TENM4: variants seen among roughly 807,000 people sequenced by gnomAD.
The protein encoded by TENM4 is teneurin transmembrane protein 4.
TENM4 carries 82 observed loss-of-function variants against 243.3 expected under a neutral mutation model. That is an observed-to-expected ratio of 0.34 (90% CI 0.28 to 0.40). TENM4 has a LOEUF of 0.40. Among genes scored for constraint, TENM4 ranks in the 10% least tolerant of loss-of-function variants. The pLI, the probability that TENM4 is intolerant of heterozygous loss-of-function variation, is 1.00. For synonymous variants in TENM4, 1,412 were observed against 1,456.3 expected, an observed-to-expected ratio of 0.97 and a Z score of 0.69; for missense variants, 3,138 against 3,673.3, an observed-to-expected ratio of 0.85 and a Z score of 3.77.
At chr11:79,329,981 G>A (rs1009555339) in intron 1 of TENM4, among the ~76,000 whole-genome samples, 1 of 152,248 alleles carries the variant, frequency 6.6e-6, no homozygotes, top group African/African-American at 2.4e-5. Flanking sequence ...AGAGGGGAAA[G>A]TGGCATTGAC....
rs1451301517 is a variant in TENM4 at position 79,124,883 on chromosome 11, G to A, written c.-66+23827C>T. 8.8e-5 allele frequency among the ~76,000 whole-genome samples: 6 copies of A among 68,106 alleles called. No homozygotes were observed. In the South Asian group the frequency reaches 1.6e-3, roughly 18 times the overall value. 44.7% of individuals were successfully genotyped at this position (68,106 alleles called of 152,430 possible). A position where few individuals can be genotyped will look rare whatever the true frequency, so the allele number is the denominator to read the frequency against. On this transcript the variant is annotated intron_variant, in intron 4 of 33. Coordinates refer to ENST00000278550, the MANE Select transcript of TENM4 (RefSeq NM_001098816.3). Reference sequence around the variant, plus strand: ...TATATGTATATGTATGTGTATATATGTATATGTATATGTGTGTGTGTGTGT... The same window carrying A: ...TATATGTATATGTATGTGTATATATATATATGTATATGTGTGTGTGTGTGT...
intron 28 of TENM4, among the ~76,000 whole-genome samples, chr11:78,692,774 A>G (rs1858858240): frequency 6.6e-6 from 1 of 152,144 alleles, no homozygotes; most frequent in Admixed American, 6.5e-5. Context: ...AAGTCAGTGC[A>G]TGCTGGGGTG....
At chr11:78,831,640 C>CTGTACAGGT (rs1857984200) in intron 12 of TENM4, among the ~76,000 whole-genome samples, 1 of 152,240 alleles carries the variant, frequency 6.6e-6, no homozygotes, top group Non-Finnish European at 1.5e-5. Context: ...ACAGGTAGTG[C>CTGTACAGGT]AGCGGGGCTG....
At chr11:79,185,478 A>T (rs1295481944) in intron 3 of TENM4, among the ~76,000 whole-genome samples, 2 of 152,174 alleles carry the variant, frequency 1.3e-5, no homozygotes, top group Non-Finnish European at 2.9e-5. Context: ...ATCCAACAGG[A>T]TAACTGGGCC....
chr11:78,938,752 CA>C (rs1565135026), intron 6 of TENM4, among the ~76,000 whole-genome samples: 1 of 152,094 alleles, frequency 6.6e-6, no homozygotes, highest in Non-Finnish European at 1.5e-5. Flanking sequence ...GCTTGGCAAA[CA>C]AACCAAGGAG....
At chr11:79,256,484 T>G (rs1312451622) in intron 2 of TENM4, among the ~76,000 whole-genome samples, 1 of 152,230 alleles carries the variant, frequency 6.6e-6, no homozygotes, top group Admixed American at 6.5e-5. Context: ...AAGCCAGGAC[T>G]GCCCAGTGCC....
At chr11:79,197,737 T>C (rs956523621) in intron 3 of TENM4, among the ~76,000 whole-genome samples, 22 of 152,186 alleles carry the variant, frequency 1.4e-4, no homozygotes, top group African/African-American at 4.8e-4. Context: ...TTAAAATGCA[T>C]TGTTTTGCTG....
intron 2 of TENM4, among the ~76,000 whole-genome samples, chr11:79,220,723 A>T (rs1277910618): frequency 6.6e-6 from 1 of 152,180 alleles, no homozygotes; most frequent in African/African-American, 2.4e-5. Flanking sequence ...ATTCATCTTT[A>T]CAACTTTCTT....
chr11:79,439,688 C>CACACACAT (rs1859357976), intron 1 of TENM4, among the ~76,000 whole-genome samples: 1 of 151,798 alleles, frequency 6.6e-6, no homozygotes, highest in South Asian at 2.1e-4. Context: ...CACACACACA[C>CACACACAT]ACACGCCGCC....
At chr11:79,357,414 G>T (rs1385567874) in intron 1 of TENM4, among the ~76,000 whole-genome samples, 1 of 152,174 alleles carries the variant, frequency 6.6e-6, no homozygotes, top group Non-Finnish European at 1.5e-5. Flanking sequence ...CTAACCTGGG[G>T]ACAATCCCTA....
At chr11:78,998,432 G>C (rs1858230492) in intron 6 of TENM4, among the ~76,000 whole-genome samples, 1 of 152,252 alleles carries the variant, frequency 6.6e-6, no homozygotes, top group Admixed American at 6.5e-5. Context: ...ATGGCCAAAT[G>C]AGGAGGTTGA....
At position 78,658,329 on chromosome 11, in the gene TENM4, C is replaced by T. The variant is rs1393965750; in HGVS notation, c.8039G>A (p.Gly2680Glu). Residue 2680 changes from glycine to glutamate, a missense_variant, in exon 34 of 34, where the codon GGG becomes GAG. Gly to Glu is a moderately conservative substitution (Grantham distance 98). This residue lies in a region of TENM4 where 2,467 missense variants were observed against 3,059.1 expected (regional missense o/e 0.81). Coordinates refer to ENST00000278550, the MANE Select transcript of TENM4 (RefSeq NM_001098816.3). ...TGCCTTCTCCTCATCCAACGTTGTC[C>T]CGTAGCGTGTGTTCAAGCACAGTGC... The part of the protein sequence containing the change: ...YGALCLNTRY[G>E]TTLDEEKARV... 5.0e-6 allele frequency: 8 copies of T among 1,613,544 alleles called. No individual in the cohort carries two copies. The highest frequency in any genetic ancestry group is 6.8e-6 in the Non-Finnish European group (8 of 1,179,650).
At chr11:79,187,001 G>C (rs189622788) in intron 3 of TENM4, among the ~76,000 whole-genome samples, 13 of 152,336 alleles carry the variant, frequency 8.5e-5, no homozygotes, top group Admixed American at 8.5e-4. Context: ...TCTCACTGGA[G>C]AGTAGAGTAA....
At chr11:78,764,631 T>C (rs1856503192) in intron 18 of TENM4, among the ~76,000 whole-genome samples, 1 of 152,208 alleles carries the variant, frequency 6.6e-6, no homozygotes, top group Non-Finnish European at 1.5e-5. Flanking sequence ...CAGGAGGAGC[T>C]CATCCCTCTC....
At chr11:79,035,525 A>T (rs1168513781) in intron 6 of TENM4, among the ~76,000 whole-genome samples, 2 of 129,286 alleles carry the variant, frequency 1.5e-5, no homozygotes, top group African/African-American at 5.1e-5. Context: ...TAGAAGATTT[A>T]AAAAAATTCA....
intron 19 of TENM4, among the ~76,000 whole-genome samples, chr11:78,740,307 T>C (rs1791782642): frequency 6.6e-6 from 1 of 152,184 alleles, no homozygotes; most frequent in African/African-American, 2.4e-5. Context: ...TAGTGTCAGC[T>C]TGTCCTTTCT....
At chr11:79,333,614 T>G (rs965167333) in intron 1 of TENM4, among the ~76,000 whole-genome samples, 4 of 152,210 alleles carry the variant, frequency 2.6e-5, no homozygotes, top group Admixed American at 2.0e-4. Context: ...AAGCAACTTT[T>G]CAACCAAAAC....
chr11:79,289,348 C>A (rs888788292), intron 2 of TENM4, among the ~76,000 whole-genome samples: 1 of 152,220 alleles, frequency 6.6e-6, no homozygotes, highest in Non-Finnish European at 1.5e-5. Flanking sequence ...TGACTACCTT[C>A]TTTGGGACTG....
At chr11:78,896,169 G>A (rs1377712183) in intron 7 of TENM4, among the ~76,000 whole-genome samples, 2 of 152,188 alleles carry the variant, frequency 1.3e-5, no homozygotes, top group Non-Finnish European at 2.9e-5. Context: ...GCTGTCCTGG[G>A]CCGTGTTTCC....
Sources: allele counts gnomAD v4.1 joint callset (sites outside exome capture counted in the v4.1 genomes callset), GRCh38; gene constraint gnomAD v4.1.1; regional missense constraint gnomAD v4.1.1; transcripts MANE v1.5; gene names NCBI Gene and HGNC (gene_info 2026-07-23, HGNC 2026-07-21).